Variants in ST8SIA1 observed in about 807,000 individuals in gnomAD.
The protein encoded by ST8SIA1 is alpha-N-acetylneuraminide alpha-2,8-sialyltransferase.
A neutral mutation model predicts 35.9 loss-of-function variants in ST8SIA1; 16 were observed. The ratio of observed to expected loss-of-function variants is 0.45; its 90% CI spans 0.30 to 0.68. ST8SIA1 has a LOEUF of 0.68. Among genes scored for constraint, ST8SIA1 ranks in the 30% least tolerant of loss-of-function variants. The pLI, the probability that ST8SIA1 is intolerant of heterozygous loss-of-function variation, is 0.09. For synonymous variants in ST8SIA1, 170 were observed against 169.6 expected (o/e 1.00, Z -0.02); for missense variants, 383 against 453.6 (o/e 0.84, Z 1.41).
At chr12:22,278,411 G>C (rs545742854) in intron 2 of ST8SIA1, among the ~76,000 whole-genome samples, 82 of 152,274 alleles carry the variant, frequency 5.4e-4, no homozygotes, top group African/African-American at 1.9e-3. Flanking sequence ...TACTGACCTT[G>C]GGTGTCATAG....
intron 4 of ST8SIA1, chr12:22,223,861 C>T: frequency 9.4e-7 from 1 of 1,059,752 alleles, no homozygotes; most frequent in Non-Finnish European, 1.2e-6. Flanking sequence ...TCTAATTGTG[C>T]AAAATAATAC....
intron 4 of ST8SIA1, among the ~76,000 whole-genome samples, chr12:22,219,704 C>T (rs1865275667): frequency 6.6e-6 from 1 of 152,066 alleles, no homozygotes; most frequent in South Asian, 2.1e-4. Context: ...AGTGTATTTG[C>T]TAGTTCTGGG....
chr12:22,266,226 A>G (rs1379911090), intron 2 of ST8SIA1, among the ~76,000 whole-genome samples: 4 of 151,880 alleles, frequency 2.6e-5, no homozygotes, highest in African/African-American at 4.8e-5. Flanking sequence ...ACAGTGTCCA[A>G]TAAAATTCCC....
chr12:22,284,776 G>C (rs566765448), intron 2 of ST8SIA1, among the ~76,000 whole-genome samples: 1 of 152,290 alleles, frequency 6.6e-6, no homozygotes, highest in East Asian at 1.9e-4. Flanking sequence ...GAATTCATTT[G>C]CACAGACTTT....
rs901793077 is a variant in ST8SIA1 at position 22,200,044 on chromosome 12, T to C, written c.*1508A>G. 1.4e-4 allele frequency: 22 copies of C among 152,220 alleles called. No individual in the cohort carries two copies. The highest frequency in any genetic ancestry group is 4.6e-4 in the African/African-American group (19 of 41,456). The allele number at this position is 152,220 out of a possible 1,614,324, so 9.4% of individuals were successfully genotyped here. On this transcript the variant is annotated 3_prime_UTR_variant, in exon 5 of 5. Transcript: ENST00000396037. ...ATCAAAGCTGTTGTAACAAGCTAAG[T>C]AGTCCTACCTGCTACTAAGGAAATA...
intron 1 of ST8SIA1, among the ~76,000 whole-genome samples, chr12:22,295,495 A>G (rs2216230): frequency 0.6 from 91,730 of 152,006 alleles, 28,754 homozygotes; most frequent in African/African-American, 0.77. Context: ...CACTTTAGGA[A>G]GCCAAGGCGG....
chr12:22,232,567 T>A (rs1231485954), intron 4 of ST8SIA1, among the ~76,000 whole-genome samples: 1 of 152,134 alleles, frequency 6.6e-6, no homozygotes, highest in Non-Finnish European at 1.5e-5. Context: ...AGCTGGGAGT[T>A]AGGTATATGA....
intron 3 of ST8SIA1, 34 bp from the exon 4 acceptor site, chr12:22,249,132 T>G: frequency 2.2e-6 from 3 of 1,394,200 alleles, no homozygotes; most frequent in Non-Finnish European, 3.1e-6. Context: ...TTGGAACAAT[T>G]TGCATAGTTT....
chr12:22,277,102 G>T lies in ST8SIA1; in HGVS notation c.381+10047C>A, dbSNP rs376581818. On this transcript the variant is annotated intron_variant, in intron 2 of 4. Coordinates refer to ENST00000396037, the MANE Select transcript of ST8SIA1 (RefSeq NM_003034.4). ...ACTACAAAGCCCAGTGTAGTTTCAG[G>T]TTCCCTTTCTTAGAGGGTAGAATTT... Among the ~76,000 whole-genome samples the T allele has an allele frequency of 1.2e-4, 18 of 152,234 alleles. 2 individuals are homozygous for T. Among genetic ancestry groups the T allele is most frequent in the South Asian group, 1.0e-3 (5 of 4,820 alleles).
At chr12:22,270,959 C>G (rs1865905822) in intron 2 of ST8SIA1, among the ~76,000 whole-genome samples, 1 of 152,166 alleles carries the variant, frequency 6.6e-6, no homozygotes, top group Non-Finnish European at 1.5e-5. Context: ...GTTCATTGTG[C>G]CTTTTTTCCT....
intron 1 of ST8SIA1, among the ~76,000 whole-genome samples, chr12:22,301,493 C>G (rs1866318508): frequency 6.6e-6 from 1 of 151,996 alleles, no homozygotes. Flanking sequence ...AAATTTGGAG[C>G]ATATTTATTT....
At chr12:22,268,369 A>T (rs1039980576) in intron 2 of ST8SIA1, 1 of 152,252 alleles carries the variant, frequency 6.6e-6, no homozygotes, top group Non-Finnish European at 1.5e-5. Flanking sequence ...AACATAAACG[A>T]GTGGAAGGAA....
chr12:22,332,733 T>C (rs1240455389), intron 1 of ST8SIA1, among the ~76,000 whole-genome samples: 1 of 152,234 alleles, frequency 6.6e-6, no homozygotes, highest in Non-Finnish European at 1.5e-5. Context: ...TAATCCTCTT[T>C]CCAGGAGGAG....
At chr12:22,207,459 G>T (rs1169842476) in intron 4 of ST8SIA1, among the ~76,000 whole-genome samples, 1 of 152,046 alleles carries the variant, frequency 6.6e-6, no homozygotes. Flanking sequence ...TAAGCATGTT[G>T]TTTTCACATG....
At chr12:22,258,217 A>G (rs946230997) in intron 2 of ST8SIA1, among the ~76,000 whole-genome samples, 4 of 152,166 alleles carry the variant, frequency 2.6e-5, no homozygotes, top group Admixed American at 6.5e-5. Context: ...ATTTACCAAC[A>G]TATGGAAGAC....
chr12:22,320,989 A>C (rs1360734836), intron 1 of ST8SIA1, among the ~76,000 whole-genome samples: 2 of 110,824 alleles, frequency 1.8e-5, no homozygotes, highest in East Asian at 2.7e-4. Flanking sequence ...GAAAGAAAGA[A>C]AGAAAGAAAG....
intron 4 of ST8SIA1, among the ~76,000 whole-genome samples, chr12:22,230,216 G>A (rs184710402): frequency 1.1e-3 from 160 of 152,286 alleles, no homozygotes; most frequent in Non-Finnish European, 2.0e-3. Context: ...TCAGGCACAT[G>A]TTATGATCTA....
At chr12:22,260,831 T>C (rs1176559473) in intron 2 of ST8SIA1, among the ~76,000 whole-genome samples, 1 of 151,828 alleles carries the variant, frequency 6.6e-6, no homozygotes, top group Non-Finnish European at 1.5e-5. Flanking sequence ...TTAGTCTATA[T>C]TTGTGTGAGA....
chr12:22,325,886 G>T, intron 1 of ST8SIA1: 1 of 701,724 alleles, frequency 1.4e-6, no homozygotes, highest in South Asian at 1.5e-5. Context: ...CCACCAAGAT[G>T]GATATTAAGT....
Sources: allele counts gnomAD v4.1 joint callset (sites outside exome capture counted in the v4.1 genomes callset), GRCh38; gene constraint gnomAD v4.1.1; transcripts MANE v1.5; gene names NCBI Gene and HGNC (gene_info 2026-07-23, HGNC 2026-07-21).